FILIP1L: variants seen among roughly 807,000 people sequenced by gnomAD.
FILIP1L encodes filamin A-interacting protein 1-like.
A neutral mutation model predicts 96.6 loss-of-function variants in FILIP1L; 55 were observed. The ratio of observed to expected loss-of-function variants is 0.57; its 90% confidence interval spans 0.46 to 0.71. The LOEUF (loss-of-function observed/expected upper bound fraction) is 0.71, where lower values mean the gene tolerates loss of function less well. FILIP1L is among the 30% of genes least tolerant of loss of function. FILIP1L has a pLI of 0.00. For synonymous variants in FILIP1L, 467 were observed against 473.9 expected, an observed-to-expected ratio of 0.99 and a Z score of 0.19; for missense variants, 1,304 against 1,321.2, an observed-to-expected ratio of 0.99 and a Z score of 0.20.
intron 4 of FILIP1L, among the ~76,000 whole-genome samples, chr3:99,864,346 T>C (rs1025678514): frequency 6.6e-6 from 1 of 152,146 alleles, no homozygotes; most frequent in Non-Finnish European, 1.5e-5. Context: ...ATATTGAAGG[T>C]CTACTCTGTG....
intron 3 of FILIP1L, chr3:99,925,707 G>T (rs17313676): frequency 9.9e-6 from 2 of 201,652 alleles, no homozygotes; most frequent in Non-Finnish European, 1.8e-5. Flanking sequence ...AAGAGTGAGA[G>T]CACCAAGGAC....
Position 99,935,798 on chromosome 3 carries a change from T to C in FILIP1L, c.-10-4768A>G, listed in dbSNP as rs142327327. Among the ~76,000 whole-genome samples, 320 of 152,332 alleles carry C rather than the reference T, an allele frequency of 2.1e-3. 1 individual carries two copies. The highest frequency in any genetic ancestry group is 7.4e-3 in the African/African-American group (306 of 41,574). On this transcript the variant is annotated intron_variant, in intron 1 of 5. Transcript: ENST00000477258. ...CTGCTTTGTTTTCCTATGTAGTTCC[T>C]TTAGTCAGTTTTACTTGGGCTTAAG...
At chr3:99,998,212 A>C (rs989032533) in intron 1 of FILIP1L, among the ~76,000 whole-genome samples, 6 of 152,216 alleles carry the variant, frequency 3.9e-5, no homozygotes, top group African/African-American at 1.4e-4. Context: ...GCACCAACCT[A>C]ATACTTAGTT....
intron 4 of FILIP1L, among the ~76,000 whole-genome samples, chr3:99,909,103 T>C (rs1231829894): frequency 6.6e-6 from 1 of 152,202 alleles, no homozygotes; most frequent in Admixed American, 6.5e-5. Flanking sequence ...AATGTTCTAG[T>C]GCAGCATTTC....
At chr3:99,841,826 A>G (rs962032300) in intron 5 of FILIP1L, among the ~76,000 whole-genome samples, 66 of 152,186 alleles carry the variant, frequency 4.3e-4, no homozygotes, top group African/African-American at 1.5e-3. Flanking sequence ...CAAAAAAATT[A>G]AAAAATAATA....
At chr3:99,907,332 C>A (rs1706650860) in intron 4 of FILIP1L, among the ~76,000 whole-genome samples, 1 of 152,122 alleles carries the variant, frequency 6.6e-6, no homozygotes, top group African/African-American at 2.4e-5. Context: ...ACTGCAAGCT[C>A]CACCTCCCGG....
intron 4 of FILIP1L, among the ~76,000 whole-genome samples, chr3:99,908,688 A>G (rs2107636302): frequency 6.6e-6 from 1 of 152,222 alleles, no homozygotes. Context: ...CCTCCTTTAA[A>G]AGGTTGTTAG....
chr3:99,924,605 G>A (rs1370352641), intron 3 of FILIP1L, among the ~76,000 whole-genome samples, 197 bp from the exon 4 acceptor site: 7 of 152,100 alleles, frequency 4.6e-5, no homozygotes, highest in African/African-American at 7.2e-5. Context: ...TGCAACTTCC[G>A]CCTCCCGGGT....
At chr3:100,058,883 T>C (rs1221852250) in intron 1 of FILIP1L, among the ~76,000 whole-genome samples, 1 of 152,230 alleles carries the variant, frequency 6.6e-6, no homozygotes, top group Admixed American at 6.5e-5. Context: ...TTCTAGAACC[T>C]TTTTCTTTCT....
In FILIP1L at chr3:100,056,236, A is replaced by C. The variant is rs1473988000; in HGVS notation, c.-11+57817T>G. Among the ~76,000 whole-genome samples, 3 of 152,158 alleles carry C rather than the reference A, an allele frequency of 2.0e-5. No homozygotes were observed. The East Asian group carries it at 5.8e-4, about 29-fold the overall frequency. ...TGTGGCAAGACCCTGGCTAGGAACC[A>C]AGTCTGACTCTCAGCTCTGGGATTT... On this transcript the variant is annotated intron_variant, in intron 1 of 5. Coordinates refer to ENST00000477258, the MANE Select transcript of FILIP1L (RefSeq NM_001387850.1).
At chr3:100,094,500 C>T (rs577702082) in intron 1 of FILIP1L, among the ~76,000 whole-genome samples, 1 of 151,794 alleles carries the variant, frequency 6.6e-6, no homozygotes, top group Non-Finnish European at 1.5e-5. Flanking sequence ...AACTCTTTGT[C>T]TAGACAGAGA....
At chr3:99,989,631 A>AT (rs1361854248) in intron 1 of FILIP1L, among the ~76,000 whole-genome samples, 2 of 150,694 alleles carry the variant, frequency 1.3e-5, no homozygotes, top group Admixed American at 6.6e-5. Flanking sequence ...ATTCAAAGCA[A>AT]TTTTTTCAAA....
chr3:99,907,447 C>T (rs1706654986), intron 4 of FILIP1L, among the ~76,000 whole-genome samples: 1 of 152,064 alleles, frequency 6.6e-6, no homozygotes, highest in South Asian at 2.1e-4. Context: ...CAGGGTTTCA[C>T]CATGTTAGCC....
chr3:100,049,472 A>T (rs1481414788), intron 1 of FILIP1L, among the ~76,000 whole-genome samples: 1 of 152,180 alleles, frequency 6.6e-6, no homozygotes, highest in Non-Finnish European at 1.5e-5. Context: ...TCTTCTTTTT[A>T]TTGATTGATC....
intron 1 of FILIP1L, among the ~76,000 whole-genome samples, chr3:100,037,099 G>C (rs909677382): frequency 2.6e-5 from 4 of 151,834 alleles, no homozygotes; most frequent in African/African-American, 9.7e-5. Flanking sequence ...AATGCAAACA[G>C]AACAGTATTG....
intron 4 of FILIP1L, among the ~76,000 whole-genome samples, chr3:99,893,713 A>T (rs772408378): frequency 5.3e-5 from 8 of 152,220 alleles, no homozygotes; most frequent in Non-Finnish European, 8.8e-5. Flanking sequence ...CAAATCATTT[A>T]TACTCTACAG....
rs769541275 is a variant in FILIP1L, at chr3:99,930,957, C to T, written c.64G>A (p.Gly22Ser). 9 of 1,613,642 alleles carry T rather than the reference C, an allele frequency of 5.6e-6. No individual in the cohort carries two copies. Among genetic ancestry groups the T allele is most frequent in the Non-Finnish European group, 7.6e-6 (9 of 1,179,896 alleles). Residue 22 changes from glycine to serine, a missense_variant, in exon 2 of 6, where the codon GGC (glycine) becomes AGC (serine). Coordinates refer to ENST00000477258, the MANE Select transcript of FILIP1L (RefSeq NM_001387850.1). ...AQKKFPRHTK[G>S]HSFQGPKNMK... ...TTTTTAGGCCCTTGGAAACTGTGGCCTTTAGTATGTCTTGGAAATTTCTTT... is the reference window on the plus strand; with the variant it reads ...TTTTTAGGCCCTTGGAAACTGTGGCTTTTAGTATGTCTTGGAAATTTCTTT...
chr3:100,024,537 GT>G (rs2064883291), intron 1 of FILIP1L, among the ~76,000 whole-genome samples: 1 of 152,002 alleles, frequency 6.6e-6, no homozygotes, highest in Non-Finnish European at 1.5e-5. Context: ...GGAAGCAACT[GT>G]TTTCTTTCAT....
At chr3:100,032,962 C>CA in intron 1 of FILIP1L, among the ~76,000 whole-genome samples, 1 of 152,058 alleles carries the variant, frequency 6.6e-6, no homozygotes, top group African/African-American at 2.4e-5. Context: ...TTCAGTCACA[C>CA]AAACACCAAG....
Sources: allele counts gnomAD v4.1 joint callset (sites outside exome capture counted in the v4.1 genomes callset), GRCh38; gene constraint gnomAD v4.1.1; transcripts MANE v1.5; gene names NCBI Gene and HGNC (gene_info 2026-07-23, HGNC 2026-07-21).